SPATS2: variants seen among roughly 807,000 people sequenced by gnomAD.
The protein encoded by SPATS2 is spermatogenesis associated serine rich 2.
Under a neutral mutation model 63.7 loss-of-function variants are expected in SPATS2, and 38 were observed. That is an observed-to-expected ratio of 0.60 (90% confidence interval 0.46 to 0.78). The LOEUF is 0.78. Among genes scored for constraint, SPATS2 ranks in the 30% least tolerant of loss-of-function variants. SPATS2 has a pLI of 0.00. For missense variants in SPATS2, 588 were observed against 666.2 expected, an observed-to-expected ratio of 0.88 and a Z score of 1.29; for synonymous variants, 207 against 232.9, an observed-to-expected ratio of 0.89 and a Z score of 1.01.
chr12:49,464,280 A>T (rs1945870731), intron 3 of SPATS2, among the ~76,000 whole-genome samples: 2 of 151,988 alleles, frequency 1.3e-5, no homozygotes, highest in South Asian at 4.1e-4. Flanking sequence ...GAGGCAGGAG[A>T]ATGGCTTGAA....
At chr12:49,520,299 G>T (rs1039574420) in intron 11 of SPATS2, among the ~76,000 whole-genome samples, 2 of 152,008 alleles carry the variant, frequency 1.3e-5, no homozygotes, top group South Asian at 4.2e-4. Context: ...TATCCTTTTA[G>T]TAGAGATGGG....
rs1443848335 is a variant in SPATS2 at position 49,523,860 on chromosome 12, G to C, written c.1112-822G>C. On this transcript the variant is annotated intron_variant, in intron 12 of 13. Coordinates refer to ENST00000552918, the MANE Select transcript of SPATS2 (RefSeq NM_023071.4). Reference sequence around the variant, plus strand: ...CCAGCTAATCGGGAGGCTGAGGCAGGAGAATGGCGTGAACTCAGGAGGCGG... The same window carrying C: ...CCAGCTAATCGGGAGGCTGAGGCAGCAGAATGGCGTGAACTCAGGAGGCGG... 2.0e-5 allele frequency among the ~76,000 whole-genome samples: 3 copies of C among 152,102 alleles called. No individual in the cohort carries two copies. In the East Asian group the frequency reaches 5.8e-4, roughly 29 times the overall value.
At chr12:49,507,112 A>G (rs1042268596) in intron 9 of SPATS2, among the ~76,000 whole-genome samples, 2 of 152,200 alleles carry the variant, frequency 1.3e-5, no homozygotes, top group Non-Finnish European at 2.9e-5. Flanking sequence ...TGTTCTTTTG[A>G]TTTTGTGATT....
At chr12:49,383,993 A>G (rs899602725) in intron 2 of SPATS2, among the ~76,000 whole-genome samples, 1 of 152,212 alleles carries the variant, frequency 6.6e-6, no homozygotes, top group African/African-American at 2.4e-5. Context: ...AGATAGTACA[A>G]AGAGCTCCCA....
chr12:49,399,096 A>G (rs1027448714), intron 2 of SPATS2, among the ~76,000 whole-genome samples: 1 of 151,114 alleles, frequency 6.6e-6, no homozygotes, highest in Non-Finnish European at 1.5e-5. Flanking sequence ...CATTTCCCCC[A>G]TGTCCACATA....
At chr12:49,464,447 C>T (rs566988653) in intron 3 of SPATS2, among the ~76,000 whole-genome samples, 1 of 148,262 alleles carries the variant, frequency 6.7e-6, no homozygotes, top group East Asian at 2.0e-4. Flanking sequence ...TGGAGAAACC[C>T]TGTCTCTGCT....
chr12:49,412,290 G>A (rs1238734006), intron 2 of SPATS2, among the ~76,000 whole-genome samples: 1 of 151,934 alleles, frequency 6.6e-6, no homozygotes, highest in Non-Finnish European at 1.5e-5. Flanking sequence ...TGCCTCCTGG[G>A]TTCAAGCGAT....
At chr12:49,468,158 T>G (rs1336386304) in intron 3 of SPATS2, among the ~76,000 whole-genome samples, 3 of 151,212 alleles carry the variant, frequency 2.0e-5, no homozygotes, top group Non-Finnish European at 4.4e-5. Flanking sequence ...CTTTCTTGTT[T>G]TTTTTTTTCT....
intron 2 of SPATS2, among the ~76,000 whole-genome samples, chr12:49,443,561 C>T (rs538709174): frequency 6.6e-6 from 1 of 151,034 alleles, no homozygotes; most frequent in African/African-American, 2.4e-5. Flanking sequence ...TTTTGAAGAA[C>T]TCTCACTAAA....
chr12:49,423,991 T>C (rs1453796792), intron 2 of SPATS2, among the ~76,000 whole-genome samples: 2 of 152,066 alleles, frequency 1.3e-5, no homozygotes, highest in Non-Finnish European at 2.9e-5. Flanking sequence ...TCACTTGAGG[T>C]TAGGAGTTTG....
At chr12:49,382,194 A>C (rs1438208191) in intron 2 of SPATS2, among the ~76,000 whole-genome samples, 2 of 152,236 alleles carry the variant, frequency 1.3e-5, no homozygotes, top group African/African-American at 4.8e-5. Flanking sequence ...TTTCGGGTGG[A>C]TTCAAATGCT....
intron 2 of SPATS2, among the ~76,000 whole-genome samples, chr12:49,404,690 C>T (rs73297206): frequency 0.026 from 4,014 of 152,172 alleles, 195 homozygotes; most frequent in African/African-American, 0.091. Flanking sequence ...CTTTGCCCCT[C>T]CAACTGCCAA....
At chr12:49,430,339 T>C (rs1945164080) in intron 2 of SPATS2, among the ~76,000 whole-genome samples, 2 of 151,884 alleles carry the variant, frequency 1.3e-5, no homozygotes. Flanking sequence ...TGACCTGAAA[T>C]GATCCGCCGA....
At chr12:49,502,676 C>G (rs888638728) in intron 9 of SPATS2, among the ~76,000 whole-genome samples, 1 of 152,284 alleles carries the variant, frequency 6.6e-6, no homozygotes, top group African/African-American at 2.4e-5. Context: ...AGGCTGGTCT[C>G]CAATTCCTGG....
At chr12:49,424,013 G>A (rs893458524) in intron 2 of SPATS2, among the ~76,000 whole-genome samples, 8 of 152,078 alleles carry the variant, frequency 5.3e-5, no homozygotes, top group African/African-American at 1.7e-4. Context: ...GACCAGCCTG[G>A]CCAACATGGC....
rs1945808153 is a variant in SPATS2, at chr12:49,460,763, C to G, written c.-243-7C>G. The G allele has an allele frequency of 1.9e-6, 1 of 528,458 alleles. No individual in the cohort carries two copies. Among genetic ancestry groups the G allele is most frequent in the South Asian group, 2.3e-5 (1 of 42,592 alleles). The allele number at this position is 528,458 out of a possible 1,614,324, so 32.7% of individuals were successfully genotyped here. A position where few individuals can be genotyped will look rare whatever the true frequency, so the allele number is the denominator to read the frequency against. ...TAGTATATGTGTGTTTGTGTTTTTC[C>G]CTCCAGAATCTCCCTGGAAAAGGAG... On this transcript the variant is annotated splice_region_variant and splice_polypyrimidine_tract_variant and intron_variant, in intron 2 of 13. Transcript: ENST00000552918.
intron 2 of SPATS2, among the ~76,000 whole-genome samples, chr12:49,410,038 T>G (rs963400758): frequency 2.6e-5 from 4 of 152,100 alleles, no homozygotes; most frequent in Non-Finnish European, 5.9e-5. Context: ...AATTGTAGAA[T>G]CAGGGCTGGA....
At chr12:49,489,648 A>G (rs924547825) in intron 5 of SPATS2, 75 bp downstream of exon 5, 1 of 1,252,374 alleles carries the variant, frequency 8.0e-7, no homozygotes, top group Non-Finnish European at 1.1e-6. Flanking sequence ...TATAACATTC[A>G]GCAATCCAGT....
At chr12:49,388,526 A>G (rs551291016) in intron 2 of SPATS2, among the ~76,000 whole-genome samples, 1 of 151,796 alleles carries the variant, frequency 6.6e-6, no homozygotes, top group East Asian at 1.9e-4. Context: ...GGCATGTGCC[A>G]CCATGCTGGA....
Sources: allele counts gnomAD v4.1 joint callset (sites outside exome capture counted in the v4.1 genomes callset), GRCh38; gene constraint gnomAD v4.1.1; transcripts MANE v1.5; gene names NCBI Gene and HGNC (gene_info 2026-07-23, HGNC 2026-07-21).